KIAA1755: variants seen among roughly 807,000 people sequenced by gnomAD.
The protein encoded by KIAA1755 is uncharacterized protein KIAA1755.
In KIAA1755, 68 loss-of-function variants were observed where a neutral mutation model predicts 91.7. That is an observed-to-expected ratio of 0.74 (90% CI 0.61 to 0.91). The LOEUF (loss-of-function observed/expected upper bound fraction) is 0.91. KIAA1755 is among the 40% of genes least tolerant of loss of function. The probability of loss-of-function intolerance (pLI) is 0.00; values close to 1 mark genes in which losing one functional copy is unlikely to be tolerated. For missense variants in KIAA1755, 1,535 were observed against 1,494.4 expected (o/e 1.03, Z -0.45); for synonymous variants, 610 against 604.6 (o/e 1.01, Z -0.13).
At position 38,211,743 on chromosome 20, in the gene KIAA1755, G is replaced by C. The variant is rs1568723197; in HGVS notation, c.*1299C>G. ...AGGTTCCACAGGGTTCCTTGAACTT[G>C]AGAATGAAGGTCCCATGCCTGCTGA... On this transcript the variant is annotated 3_prime_UTR_variant, in exon 14 of 14. Coordinates refer to ENST00000279024, the MANE Select transcript of KIAA1755 (RefSeq NM_001029864.2). The C allele has an allele frequency of 6.6e-6, 1 of 152,264 alleles. No individual in the cohort carries two copies. The highest frequency in any genetic ancestry group is 6.5e-5 in the Admixed American group (1 of 15,274). 9.4% of individuals were successfully genotyped at this position (152,264 alleles called of 1,614,324 possible).
intron 10 of KIAA1755, 114 bp from the exon 11 acceptor site, chr20:38,219,882 C>T: frequency 7.2e-7 from 1 of 1,382,110 alleles, no homozygotes; most frequent in Non-Finnish European, 9.9e-7. Context: ...GGGTTTCCAG[C>T]TAACTTGCTG....
chr20:38,255,897 C>T (rs973657079), intron 1 of KIAA1755, among the ~76,000 whole-genome samples: 2 of 152,186 alleles, frequency 1.3e-5, no homozygotes, highest in Admixed American at 1.3e-4. Flanking sequence ...TCCCTCTCCC[C>T]TTTTCCTCTG....
In KIAA1755 at chr20:38,241,902, G is replaced by A. The variant is rs1416153225; in HGVS notation, c.229C>T (p.His77Tyr). ...CTCAGACAGAGTGGCCAGCCCTCGT[G>A]TAAGAAGAGGCAGTGTGAGTAGGGA... The part of the protein sequence containing the change: ...CAPYSHCLFL[H>Y]EGWPLCLRDE... The change falls in exon 3 of 14, where the codon CAC becomes TAC. Residue 77 changes from histidine (H) to tyrosine (Y), a missense_variant. By Grantham distance (83) the His-to-Tyr change is moderately conservative. Transcript: ENST00000279024. 1 of 1,613,478 alleles carries A rather than the reference G, an allele frequency of 6.2e-7. No individual in the cohort carries two copies. Among genetic ancestry groups the A allele is most frequent in the Non-Finnish European group, 8.5e-7 (1 of 1,179,882 alleles).
intron 10 of KIAA1755, among the ~76,000 whole-genome samples, chr20:38,222,009 C>T (rs989575907): frequency 1.3e-5 from 2 of 152,210 alleles, no homozygotes; most frequent in African/African-American, 2.4e-5. Flanking sequence ...AATCCCTTAC[C>T]AGCCGCTGTC....
rs767317082 is a variant in KIAA1755, at chr20:38,218,365, A to C, written c.2558T>G (p.Val853Gly). The C allele has an allele frequency of 6.2e-6, 10 of 1,613,948 alleles. No homozygotes were observed. The Admixed American group carries it at 8.3e-5, about 13-fold the overall frequency. The change falls in exon 12 of 14, where the codon GTC (valine) becomes GGC (glycine). Residue 853 changes from valine (V) to glycine (G), a missense_variant and splice_region_variant. Val to Gly is a moderately radical substitution (Grantham distance 109). Coordinates refer to ENST00000279024, the MANE Select transcript of KIAA1755 (RefSeq NM_001029864.2). ...TCCTTCCTGCTCCATCCAGTCGCTG[A>C]CCTGGGGCAGGAGAGGCAGATTTGG... Reference protein sequence around the residue: ...LGRLEAAIHQVSDWMEQEGRR... With the variant: ...LGRLEAAIHQGSDWMEQEGRR...
chr20:38,240,083 TTTCC>T (rs147706141), intron 3 of KIAA1755, among the ~76,000 whole-genome samples: 100 of 151,940 alleles, frequency 6.6e-4, no homozygotes, highest in African/African-American at 1.4e-3. Flanking sequence ...TCCTTCCTTC[TTTCC>T]TTCCTTCCTT....
rs371997422 is a variant in KIAA1755, at chr20:38,241,027, C to T, written c.1104G>A (p.Pro368=). 1.9e-5 allele frequency: 30 copies of T among 1,614,142 alleles called. No homozygotes were observed. The highest frequency in any genetic ancestry group is 6.7e-5 in the African/African-American group (5 of 75,052). ...LKAPTHNSER[P]PQGSYMNVLE... ...GGACATTCATGTAGGAGCCTTGGGGCGGCCTTTCTGAGTTGTGGGTGGGTG... is the reference window on the plus strand; with the variant it reads ...GGACATTCATGTAGGAGCCTTGGGGTGGCCTTTCTGAGTTGTGGGTGGGTG... Residue 368 remains proline, a synonymous_variant, in exon 3 of 14, where the codon CCG becomes CCA. Transcript: ENST00000279024.
rs745937778 is a variant in KIAA1755, at chr20:38,246,030, G to C, written c.100C>G (p.Arg34Gly). Reference protein sequence around the residue: ...TAPTVLGQVFRLLDSGFQGDG... With the variant: ...TAPTVLGQVFGLLDSGFQGDG... ...CCCTGGAAGCCAGAGTCCAGGAGAC[G>C]GAACACCTGACCCAGGACGGTGGGT... The change falls in exon 2 of 14, where the codon CGT (arginine) becomes GGT (glycine). Residue 34 changes from arginine to glycine, a missense_variant. By Grantham distance (125) the Arg-to-Gly change is moderately radical. Transcript: ENST00000279024. 2 of 1,614,018 alleles carry C rather than the reference G, an allele frequency of 1.2e-6. No homozygotes were observed. The highest frequency in any genetic ancestry group is 8.5e-7 in the Non-Finnish European group (1 of 1,180,020).
chr20:38,246,374 C>G (rs1030141018), intron 1 of KIAA1755, among the ~76,000 whole-genome samples: 1 of 152,046 alleles, frequency 6.6e-6, no homozygotes, highest in African/African-American at 2.4e-5. Context: ...TGCTCTTCCT[C>G]AAGACAGCCT....
chr20:38,258,561 G>A (rs185723204), intron 1 of KIAA1755, among the ~76,000 whole-genome samples: 1 of 152,216 alleles, frequency 6.6e-6, no homozygotes, highest in Non-Finnish European at 1.5e-5. Flanking sequence ...TGACATGCTA[G>A]AGTAAGAGTC....
intron 2 of KIAA1755, among the ~76,000 whole-genome samples, chr20:38,242,846 GTTTATTT>G (rs2076092711): frequency 6.6e-6 from 1 of 152,114 alleles, no homozygotes; most frequent in South Asian, 2.1e-4. Context: ...AGGCTTATTT[GTTTATTT>G]TTTATTTATT....
At chr20:38,235,734 T>C (rs926614313) in intron 4 of KIAA1755, among the ~76,000 whole-genome samples, 18 of 152,180 alleles carry the variant, frequency 1.2e-4, no homozygotes, top group African/African-American at 4.3e-4. Context: ...GATCAGATAA[T>C]ACATTTGTGT....
chr20:38,221,685 C>T (rs1189353225), intron 10 of KIAA1755, among the ~76,000 whole-genome samples: 1 of 152,228 alleles, frequency 6.6e-6, no homozygotes, highest in Non-Finnish European at 1.5e-5. Context: ...ATGCTGGACA[C>T]ATACAAAGTG....
rs778227190 is a variant in KIAA1755, at chr20:38,228,167, T to G, written c.1945A>C (p.Ser649Arg). 1 of 1,605,094 alleles carries G rather than the reference T, an allele frequency of 6.2e-7. No homozygotes were observed. ...RRQPPQPGLVSALQATQAQVP... is the reference protein window; with the variant it reads ...RRQPPQPGLVRALQATQAQVP... Reference sequence around the variant, plus strand: ...CTCACCTGGGTGGCCTGCAGGGCGCTGACCAGACCGGGCTGTGGGGGCTGT... The same window carrying G: ...CTCACCTGGGTGGCCTGCAGGGCGCGGACCAGACCGGGCTGTGGGGGCTGT... Residue 649 changes from serine to arginine, a missense_variant, in exon 6 of 14, where the codon AGC becomes CGC. Transcript: ENST00000279024.
chr20:38,221,739 C>CTTGACTTTGA (rs1165041245), intron 10 of KIAA1755, among the ~76,000 whole-genome samples: 3 of 152,230 alleles, frequency 2.0e-5, no homozygotes, highest in African/African-American at 7.2e-5. Flanking sequence ...CTTAAAAGCT[C>CTTGACTTTGA]ATGCATACCA....
At chr20:38,260,288 G>A in intron 1 of KIAA1755, 1 of 1,549,500 alleles carries the variant, frequency 6.5e-7, no homozygotes, top group Non-Finnish European at 8.7e-7. Flanking sequence ...ACACACACAT[G>A]GAGAAGCCAG....
intron 8 of KIAA1755, among the ~76,000 whole-genome samples, chr20:38,224,310 C>T (rs577510610): frequency 6.6e-6 from 1 of 152,256 alleles, no homozygotes; most frequent in South Asian, 2.1e-4. Flanking sequence ...AAATACAGTT[C>T]AAAAACCAGT....
Position 38,217,257 on chromosome 20 carries a change from T to C in KIAA1755, c.2897A>G (p.Lys966Arg). ...CAGGTGGGCCGCGGGGCTCACCCTC[T>C]TGCAGAAGCGGTGCAGGTGGAGCAG... is the stretch of plus-strand genomic sequence containing the variant. Reference protein sequence around the residue: ...ETLLHLHRFCKRMTWFHMDCQ... With the variant: ...ETLLHLHRFCRRMTWFHMDCQ... Residue 966 changes from lysine to arginine, a missense_variant, in exon 13 of 14, where the codon AAG becomes AGG. By Grantham distance (26) the Lys-to-Arg change is conservative. Coordinates refer to ENST00000279024, the MANE Select transcript of KIAA1755 (RefSeq NM_001029864.2). 1 of 1,597,228 alleles carries C rather than the reference T, an allele frequency of 6.3e-7. No individual in the cohort carries two copies.
In KIAA1755 at chr20:38,213,367, G is replaced by C; in HGVS notation, c.3278C>G (p.Pro1093Arg). ...GTCCATGCCCAGTGAGTCTAGTGGA[G>C]GCTGATCCCACCTCCCCTTGGAAGT... Reference protein sequence around the residue: ...EVTSKGRWDQPPLDSLGMDHL... With the variant: ...EVTSKGRWDQRPLDSLGMDHL... Residue 1093 changes from proline to arginine, a missense_variant, in exon 14 of 14, where the codon CCT becomes CGT. Physicochemically the swap from Pro to Arg is moderately radical, Grantham distance 103. Transcript: ENST00000279024. 7 of 1,606,660 alleles carry C rather than the reference G, an allele frequency of 4.4e-6. No individual in the cohort carries two copies. The highest frequency in any genetic ancestry group is 6.0e-6 in the Non-Finnish European group (7 of 1,176,240).
Sources: gnomAD v4.1 joint callset for allele counts (sites outside exome capture counted in the v4.1 genomes callset) on GRCh38, gnomAD v4.1.1 for gene constraint, MANE v1.5 for transcripts, NCBI Gene and HGNC (gene_info 2026-07-23, HGNC 2026-07-21) for gene names.